NKAIN2: variants seen among roughly 807,000 people sequenced by gnomAD.
NKAIN2 encodes sodium/potassium transporting ATPase interacting 2.
Under a neutral mutation model 32.6 loss-of-function variants are expected in NKAIN2, and 14 were observed. The ratio of observed to expected loss-of-function variants is 0.43; its 90% CI spans 0.28 to 0.67. The LOEUF is 0.67. NKAIN2 is among the 30% of genes least tolerant of loss of function. The pLI, the probability that NKAIN2 is intolerant of heterozygous loss-of-function variation, is 0.17. For synonymous variants in NKAIN2, 80 were observed against 87.2 expected, an observed-to-expected ratio of 0.92 and a Z score of 0.46; for missense variants, 198 against 258.3, an observed-to-expected ratio of 0.77 and a Z score of 1.60.
At chr6:124,732,129 G>T (rs1370580688) in intron 4 of NKAIN2, among the ~76,000 whole-genome samples, 2 of 151,818 alleles carry the variant, frequency 1.3e-5, no homozygotes, top group South Asian at 2.1e-4. Flanking sequence ...TTAAAATAGA[G>T]ATGAGAAAAA....
intron 2 of NKAIN2, among the ~76,000 whole-genome samples, chr6:124,321,110 T>C (rs9491121): frequency 0.028 from 4,321 of 152,182 alleles, 185 homozygotes; most frequent in African/African-American, 0.099. Flanking sequence ...TCAAAAATGG[T>C]TGGAATAAGT....
chr6:123,962,534 C>A (rs1364837994), intron 1 of NKAIN2, among the ~76,000 whole-genome samples: 1 of 152,074 alleles, frequency 6.6e-6, no homozygotes, highest in Non-Finnish European at 1.5e-5. Context: ...TGAGGAATTT[C>A]TACGTTTACT....
intron 4 of NKAIN2, among the ~76,000 whole-genome samples, chr6:124,779,241 CAAAGAA>C (rs372511517): frequency 0.11 from 10,064 of 89,796 alleles, 685 homozygotes; most frequent in South Asian, 0.18. Context: ...CAGACTCCAA[CAAAGAA>C]AGAGAGAGAG....
At chr6:124,121,827 AATGGGTCACCCTCTAATC>A in intron 1 of NKAIN2, 1 of 622,334 alleles carries the variant, frequency 1.6e-6, no homozygotes. Context: ...GTTGCCTTTA[AATGGGTCACCCTCTAATC>A]ATGCCTTATT....
chr6:124,165,087 C>T (rs1788467070), intron 1 of NKAIN2, among the ~76,000 whole-genome samples: 1 of 151,874 alleles, frequency 6.6e-6, no homozygotes, highest in Non-Finnish European at 1.5e-5. Flanking sequence ...TCTTTAAGGC[C>T]CAAAATTTCT....
At chr6:124,027,329 C>G (rs1036157408) in intron 1 of NKAIN2, among the ~76,000 whole-genome samples, 3 of 151,946 alleles carry the variant, frequency 2.0e-5, no homozygotes, top group African/African-American at 7.2e-5. Context: ...TTAGTAGAGA[C>G]AGGGTTTCAC....
chr6:124,515,488 C>T (rs1027151863), intron 3 of NKAIN2, among the ~76,000 whole-genome samples: 12 of 151,942 alleles, frequency 7.9e-5, no homozygotes, highest in African/African-American at 1.7e-4. Flanking sequence ...GAGGTGCTAG[C>T]GTCTTTTAAA....
intron 1 of NKAIN2, among the ~76,000 whole-genome samples, chr6:124,215,294 G>A (rs1791408933): frequency 6.6e-6 from 1 of 151,962 alleles, no homozygotes; most frequent in Non-Finnish European, 1.5e-5. Context: ...AAAATTAGAA[G>A]GTCATTTAGG....
In NKAIN2 at chr6:123,864,475, C is replaced by T. The variant is rs138504117; in HGVS notation, c.54+60221C>T. ...AAACTGAGTCCCTATTCTTATGAAGCTAACATCCTTGTGTAGCAGACAGAC... is the reference window on the plus strand; with the variant it reads ...AAACTGAGTCCCTATTCTTATGAAGTTAACATCCTTGTGTAGCAGACAGAC... On this transcript the variant is annotated intron_variant, in intron 1 of 6. Coordinates refer to ENST00000368417, the MANE Select transcript of NKAIN2 (RefSeq NM_001040214.3). Among the ~76,000 whole-genome samples the T allele has an allele frequency of 4.6e-3, 693 of 152,288 alleles. 4 individuals carry two copies. The highest frequency in any genetic ancestry group is 7.4e-3 in the Non-Finnish European group (501 of 68,024).
At chr6:124,078,786 T>TTTTG (rs1377093029) in intron 1 of NKAIN2, among the ~76,000 whole-genome samples, 1 of 144,644 alleles carries the variant, frequency 6.9e-6, no homozygotes, top group Non-Finnish European at 1.5e-5. Context: ...TATGTCGTTT[T>TTTTG]TGTGTGTGTG....
intron 1 of NKAIN2, among the ~76,000 whole-genome samples, chr6:124,229,680 T>C (rs1275178203): frequency 6.6e-6 from 1 of 152,124 alleles, no homozygotes; most frequent in Non-Finnish European, 1.5e-5. Flanking sequence ...GTCTTTGCCA[T>C]GCTCTTCTCA....
intron 4 of NKAIN2, among the ~76,000 whole-genome samples, chr6:124,749,280 T>A (rs865931512): frequency 6.6e-6 from 1 of 151,914 alleles, no homozygotes; most frequent in African/African-American, 2.4e-5. Context: ...TAAGAGCTCC[T>A]GTGACTGAAC....
intron 3 of NKAIN2, among the ~76,000 whole-genome samples, chr6:124,562,372 A>G (rs1292589587): frequency 6.6e-6 from 1 of 152,216 alleles, no homozygotes; most frequent in Non-Finnish European, 1.5e-5. Context: ...TAGCTAAGGC[A>G]TACATGTGAA....
At chr6:124,647,613 G>A (rs1243359916) in intron 3 of NKAIN2, among the ~76,000 whole-genome samples, 1 of 150,734 alleles carries the variant, frequency 6.6e-6, no homozygotes, top group Non-Finnish European at 1.5e-5. Flanking sequence ...CAATGGTTTT[G>A]GAACTATATC....
chr6:123,970,386 G>A (rs938170087), intron 1 of NKAIN2, among the ~76,000 whole-genome samples: 8 of 152,050 alleles, frequency 5.3e-5, no homozygotes, highest in Non-Finnish European at 8.8e-5. Context: ...AGCATAAAAT[G>A]AAAACACAGA....
chr6:124,249,279 C>A (rs1793571406), intron 1 of NKAIN2, among the ~76,000 whole-genome samples: 1 of 152,048 alleles, frequency 6.6e-6, no homozygotes, highest in African/African-American at 2.4e-5. Context: ...CAAAGCTCCT[C>A]CTCTTTCCTC....
At chr6:124,088,989 C>T (rs933835295) in intron 1 of NKAIN2, among the ~76,000 whole-genome samples, 4 of 151,950 alleles carry the variant, frequency 2.6e-5, no homozygotes, top group Non-Finnish European at 5.9e-5. Context: ...TTTGCAAATA[C>T]TTTATCCTTT....
intron 1 of NKAIN2, among the ~76,000 whole-genome samples, chr6:123,855,474 T>G (rs1428367534): frequency 6.7e-6 from 1 of 150,278 alleles, no homozygotes; most frequent in Admixed American, 6.6e-5. Context: ...TATTGCAAAT[T>G]GACCCAGAAG....
intron 3 of NKAIN2, among the ~76,000 whole-genome samples, chr6:124,400,733 A>G (rs891085798): frequency 2.0e-5 from 3 of 152,158 alleles, no homozygotes; most frequent in African/African-American, 7.2e-5. Context: ...CTTCAAACAG[A>G]AGTATGAAAA....
Sources: allele counts gnomAD v4.1 joint callset (sites outside exome capture counted in the v4.1 genomes callset), GRCh38; gene constraint gnomAD v4.1.1; transcripts MANE v1.5; gene names NCBI Gene and HGNC (gene_info 2026-07-23, HGNC 2026-07-21).